Variants in SKAP1 observed in about 807,000 individuals in gnomAD.
SKAP1 encodes the protein src kinase associated phosphoprotein 1.
In SKAP1, 44 loss-of-function variants were observed where a neutral mutation model predicts 58.5. The ratio of observed to expected loss-of-function variants is 0.75; its 90% CI spans 0.59 to 0.97. SKAP1 has a LOEUF of 0.97. Ranked by LOEUF, SKAP1 falls within the 50% of genes least tolerant of loss-of-function variation. The probability of loss-of-function intolerance (pLI) is 0.00; values close to 1 mark genes in which losing one functional copy is unlikely to be tolerated. For missense variants in SKAP1, 390 were observed against 435.2 expected (o/e 0.90, Z 0.92); for synonymous variants, 127 against 149.7 (o/e 0.85, Z 1.11).
intron 4 of SKAP1, among the ~76,000 whole-genome samples, chr17:48,198,960 T>C (rs925538224): frequency 6.6e-6 from 1 of 152,210 alleles, no homozygotes; most frequent in Admixed American, 6.5e-5. Flanking sequence ...AATGCCACAT[T>C]GTCTTTTTAC....
At chr17:48,266,206 A>G (rs1045021310) in intron 4 of SKAP1, among the ~76,000 whole-genome samples, 1 of 152,196 alleles carries the variant, frequency 6.6e-6, no homozygotes, top group Middle Eastern at 3.2e-3. Context: ...GGCAAAAATA[A>G]TAGATTTTAT....
intron 4 of SKAP1, among the ~76,000 whole-genome samples, chr17:48,315,502 A>G (rs980396127): frequency 6.6e-6 from 1 of 152,176 alleles, no homozygotes; most frequent in African/African-American, 2.4e-5. Flanking sequence ...ATCATCTCTC[A>G]TGTAGAACAG....
the SKAP1 span, among the ~76,000 whole-genome samples, chr17:48,436,572 T>G: frequency 6.6e-6 from 1 of 152,178 alleles, no homozygotes; most frequent in Admixed American, 6.5e-5. Flanking sequence ...ACACCACCTT[T>G]GAGATCTTCA....
intron 1 of SKAP1, among the ~76,000 whole-genome samples, chr17:48,416,708 A>C (rs1167289306): frequency 6.6e-6 from 1 of 152,176 alleles, no homozygotes; most frequent in African/African-American, 2.4e-5. Context: ...ACATATTGCT[A>C]TTTTATGGAA....
At chr17:48,384,730 G>A (rs891365452) in intron 2 of SKAP1, among the ~76,000 whole-genome samples, 6 of 152,204 alleles carry the variant, frequency 3.9e-5, no homozygotes, top group African/African-American at 1.4e-4. Context: ...CTGTTGTCAA[G>A]GAAGAAGGGA....
At chr17:48,355,523 C>G (rs1055623326) in intron 3 of SKAP1, among the ~76,000 whole-genome samples, 1 of 152,186 alleles carries the variant, frequency 6.6e-6, no homozygotes, top group African/African-American at 2.4e-5. Flanking sequence ...AGCAATCAGC[C>G]TCCCTCGGCT....
At chr17:48,213,350 C>CAA (rs71366849) in intron 4 of SKAP1, among the ~76,000 whole-genome samples, 6,993 of 100,712 alleles carry the variant, frequency 0.069, 316 homozygotes, top group African/African-American at 0.12. Context: ...AACTCTGTCT[C>CAA]AAAAAAAAAA....
intron 3 of SKAP1, among the ~76,000 whole-genome samples, chr17:48,354,813 G>C (rs1254707515): frequency 1.3e-5 from 2 of 151,998 alleles, no homozygotes; most frequent in African/African-American, 4.8e-5. Context: ...AAATTCATTG[G>C]GTTTCAGGTC....
chr17:48,291,516 G>A (rs944248161), intron 4 of SKAP1, among the ~76,000 whole-genome samples: 5 of 152,134 alleles, frequency 3.3e-5, no homozygotes, highest in Admixed American at 1.3e-4. Flanking sequence ...AAACAGTAAC[G>A]CAGATTCCAA....
chr17:48,191,110 G>A (rs146226558), intron 4 of SKAP1, among the ~76,000 whole-genome samples: 6 of 152,210 alleles, frequency 3.9e-5, no homozygotes, highest in Non-Finnish European at 8.8e-5. Flanking sequence ...CTTTCAATTA[G>A]CCTTGTTAGG....
intron 4 of SKAP1, among the ~76,000 whole-genome samples, chr17:48,314,530 G>T (rs1006883792): frequency 2.6e-5 from 4 of 151,682 alleles, no homozygotes; most frequent in African/African-American, 9.7e-5. Context: ...AACAGGGAGG[G>T]AAAAAAAAGT....
intron 11 of SKAP1, among the ~76,000 whole-genome samples, chr17:48,150,756 G>A (rs1161049214): frequency 1.3e-5 from 2 of 152,190 alleles, no homozygotes; most frequent in Non-Finnish European, 2.9e-5. Context: ...AAAGTAGAGC[G>A]AGCAAGCGTG....
chr17:48,342,599 C>G (rs2066668344), intron 4 of SKAP1, among the ~76,000 whole-genome samples: 1 of 152,150 alleles, frequency 6.6e-6, no homozygotes, highest in African/African-American at 2.4e-5. Flanking sequence ...GACTGTGTAT[C>G]CTTTTATAAT....
chr17:48,418,410 G>A (rs765429775), intron 1 of SKAP1, among the ~76,000 whole-genome samples: 1 of 151,944 alleles, frequency 6.6e-6, no homozygotes, highest in Non-Finnish European at 1.5e-5. Flanking sequence ...AAAATGCATG[G>A]GCCATGACAT....
intron 5 of SKAP1, 89 bp downstream of exon 5, chr17:48,189,334 C>T (rs372443640): frequency 1.6e-5 from 17 of 1,053,428 alleles, no homozygotes; most frequent in East Asian, 1.4e-4. Context: ...GTACCGGGCA[C>T]AGAGAAGGCA....
At chr17:48,134,764 C>T (rs1042453687) in intron 12 of SKAP1, among the ~76,000 whole-genome samples, 18 of 151,922 alleles carry the variant, frequency 1.2e-4, no homozygotes, top group African/African-American at 4.4e-4. Context: ...AGTACAATGG[C>T]GCGATCTCGG....
chr17:48,264,053 CT>C (rs35674731), intron 4 of SKAP1, among the ~76,000 whole-genome samples: 13,498 of 144,426 alleles, frequency 0.093, 860 homozygotes, highest in African/African-American at 0.16. Context: ...GAGACATCAG[CT>C]TTTTTTTTTT....
chr17:48,145,261 T>C (rs544496311), intron 11 of SKAP1, among the ~76,000 whole-genome samples: 92 of 152,268 alleles, frequency 6.0e-4, no homozygotes, highest in African/African-American at 2.1e-3. Flanking sequence ...GTTGGCTATT[T>C]GCACTCCATT....
chr17:48,230,789 T>C (rs778057829), intron 4 of SKAP1, among the ~76,000 whole-genome samples: 3 of 152,080 alleles, frequency 2.0e-5, no homozygotes, highest in Admixed American at 6.6e-5. Flanking sequence ...AGTAAGCATA[T>C]ATAATTATAA....
Sources: gnomAD v4.1 joint callset for allele counts (sites outside exome capture counted in the v4.1 genomes callset) on GRCh38, gnomAD v4.1.1 for gene constraint, MANE v1.5 for transcripts, NCBI Gene and HGNC (gene_info 2026-07-23, HGNC 2026-07-21) for gene names.